The following DMD variants were observed in gnomAD, a reference collection of about 807,000 sequenced individuals.
DMD encodes the protein dystrophin.
DMD carries 63 observed loss-of-function variants against 330.1 expected under a neutral mutation model. That is an observed-to-expected ratio of 0.19 (90% confidence interval 0.16 to 0.24). The LOEUF is 0.24. Ranked by LOEUF, DMD falls within the 10% of genes least tolerant of loss-of-function variation. The pLI is 1.00. For missense variants in DMD, 3,344 were observed against 2,684.1 expected (o/e 1.25, Z -5.43); for synonymous variants, 1,223 against 959.8 (o/e 1.27, Z -5.07).
intron 43 of DMD, among the ~76,000 whole-genome samples, chrX:32,268,847 C>G (rs1246730058): frequency 1.8e-5 from 2 of 110,487 alleles, no homozygotes. Flanking sequence ...TACAGACATA[C>G]CTAATAGTAG....
At chrX:32,356,930 C>T (rs2097803286) in intron 37 of DMD, among the ~76,000 whole-genome samples, 1 of 111,309 alleles carries the variant, frequency 9.0e-6, no homozygotes, top group African/African-American at 3.3e-5. Context: ...CACTCTGTCG[C>T]CCAGGCTGGG....
chrX:32,221,017 G>A (rs891988995), intron 43 of DMD, among the ~76,000 whole-genome samples: 5 of 111,258 alleles, frequency 4.5e-5, no homozygotes, highest in African/African-American at 1.6e-4. Context: ...TTACACTGCT[G>A]CTTCATTTAT....
intron 7 of DMD, among the ~76,000 whole-genome samples, chrX:32,777,276 T>TGGGGGGGGGG (rs1373161447): frequency 2.0e-3 from 1 of 506 alleles, no homozygotes; most frequent in Non-Finnish European, 2.6e-3. Flanking sequence ...TGGTTTCTGG[T>TGGGGGGGGGG]TGGGGGGGGA....
intron 44 of DMD, among the ~76,000 whole-genome samples, chrX:32,055,457 G>A (rs1414552367): frequency 9.0e-6 from 1 of 111,108 alleles, no homozygotes; most frequent in Non-Finnish European, 1.9e-5. Flanking sequence ...TGCTCTATAC[G>A]ACTGAATGGT....
At position 31,209,491 on chromosome X, in the gene DMD, T is replaced by C. The variant is rs1291131709; in HGVS notation, c.9563+7A>G. On this transcript the variant is annotated splice_region_variant and intron_variant, in intron 65 of 78. Transcript: ENST00000357033. Reference sequence around the variant, plus strand: ...GAGCCCGGGAAATAAAAACATGCCATACGTACGTATCATAAACATTCAGCA... The same window carrying C: ...GAGCCCGGGAAATAAAAACATGCCACACGTACGTATCATAAACATTCAGCA... 2.5e-6 allele frequency: 3 copies of C among 1,207,316 alleles called. No homozygotes were observed. The African/African-American group carries it at 5.3e-5, about 21-fold the overall frequency.
intron 7 of DMD, among the ~76,000 whole-genome samples, chrX:32,745,711 G>C (rs565407401): frequency 2.7e-5 from 3 of 112,031 alleles, no homozygotes; most frequent in African/African-American, 6.5e-5. Context: ...CTTAATAAAA[G>C]TTTTCTCGAG....
chrX:31,927,067 A>G (rs1168335539), intron 47 of DMD, among the ~76,000 whole-genome samples: 1 of 112,235 alleles, frequency 8.9e-6, no homozygotes, highest in East Asian at 2.8e-4. Context: ...TAAATCTGGT[A>G]CTGATCATTT....
chrX:31,871,168 G>A (rs940145421), intron 48 of DMD, among the ~76,000 whole-genome samples: 2 of 111,126 alleles, frequency 1.8e-5, no homozygotes, highest in African/African-American at 6.5e-5. Flanking sequence ...GCTGACTGAT[G>A]GGAAAGGGCT....
intron 1 of DMD, among the ~76,000 whole-genome samples, chrX:33,323,409 G>A (rs1283133185): frequency 1.8e-5 from 2 of 111,564 alleles, no homozygotes; most frequent in Non-Finnish European, 3.8e-5. Flanking sequence ...TACATTTGTA[G>A]TTGGAAGTAG....
intron 48 of DMD, among the ~76,000 whole-genome samples, chrX:31,863,199 C>T (rs1450782667): frequency 2.7e-5 from 3 of 112,186 alleles, no homozygotes; most frequent in Non-Finnish European, 5.6e-5. Context: ...CAAAATTAGC[C>T]GGGCGTGGTG....
chrX:31,895,932 C>T (rs1348053464), intron 47 of DMD, among the ~76,000 whole-genome samples: 1 of 111,987 alleles, frequency 8.9e-6, no homozygotes, highest in East Asian at 2.8e-4. Flanking sequence ...TTCTCTGCTT[C>T]CAATTTCTTG....
intron 2 of DMD, among the ~76,000 whole-genome samples, chrX:32,937,733 G>C (rs1202987018): frequency 9.2e-6 from 1 of 109,165 alleles, no homozygotes; most frequent in African/African-American, 3.3e-5. Context: ...GTATTTTACA[G>C]ACACACGTTA....
At chrX:31,761,650 G>T (rs1029901298) in intron 51 of DMD, among the ~76,000 whole-genome samples, 5 of 111,911 alleles carry the variant, frequency 4.5e-5, no homozygotes, top group African/African-American at 1.6e-4. Flanking sequence ...GACATGTTTA[G>T]AATTTGTCAG....
chrX:32,429,387 GTTTTTT>G (rs10692022), intron 29 of DMD, among the ~76,000 whole-genome samples: 67 of 44,200 alleles, frequency 1.5e-3, no homozygotes, highest in Non-Finnish European at 2.0e-3. Context: ...TTTTTTTTGG[GTTTTTT>G]TTTTTTTTTT....
intron 7 of DMD, among the ~76,000 whole-genome samples, chrX:32,784,374 A>T (rs111846946): frequency 4.1e-4 from 46 of 111,931 alleles, no homozygotes; most frequent in Non-Finnish European, 7.7e-4. Context: ...CTCAAACCTA[A>T]GGATGGTGGG....
intron 2 of DMD, among the ~76,000 whole-genome samples, chrX:32,859,138 C>T (rs1422687766): frequency 9.0e-6 from 1 of 111,370 alleles, no homozygotes; most frequent in Non-Finnish European, 1.9e-5. Context: ...CACTATTTGT[C>T]TGCATCTCTT....
At chrX:32,529,460 A>G (rs1218291473) in intron 17 of DMD, among the ~76,000 whole-genome samples, 2 of 81,955 alleles carry the variant, frequency 2.4e-5, no homozygotes. Context: ...GTGCAGTGGC[A>G]CAATCTCACT....
At chrX:33,063,495 G>T (rs780532085) in intron 1 of DMD, among the ~76,000 whole-genome samples, 24 of 111,679 alleles carry the variant, frequency 2.1e-4, no homozygotes, top group Admixed American at 1.3e-3. Context: ...TGAGGGTAAG[G>T]CTCGAGTTAT....
At chrX:32,039,128 G>T (rs1485981742) in intron 44 of DMD, among the ~76,000 whole-genome samples, 2 of 110,957 alleles carry the variant, frequency 1.8e-5, no homozygotes, top group Non-Finnish European at 3.8e-5. Flanking sequence ...GTAAAGGAGG[G>T]GGGGATATTT....
Sources: gnomAD v4.1 joint callset for allele counts (sites outside exome capture counted in the v4.1 genomes callset) on GRCh38, gnomAD v4.1.1 for gene constraint, MANE v1.5 for transcripts, NCBI Gene and HGNC (gene_info 2026-07-23, HGNC 2026-07-21) for gene names.